SHISA9: variants seen among roughly 807,000 people sequenced by gnomAD.
SHISA9 encodes protein shisa-9.
SHISA9 carries 13 observed loss-of-function variants against 38.0 expected under a neutral mutation model. The observed-to-expected ratio is 0.34, with a 90% CI of 0.22 to 0.54. SHISA9 has a LOEUF of 0.54. Among genes scored for constraint, SHISA9 ranks in the 20% least tolerant of loss-of-function variants. The pLI, the probability that SHISA9 is intolerant of heterozygous loss-of-function variation, is 0.91. For synonymous variants in SHISA9, 275 were observed against 242.0 expected, an observed-to-expected ratio of 1.14 and a Z score of -1.27; for missense variants, 538 against 575.8, an observed-to-expected ratio of 0.93 and a Z score of 0.67.
the SHISA9 span, among the ~76,000 whole-genome samples, chr16:13,551,888 A>G: frequency 6.6e-6 from 1 of 152,098 alleles, no homozygotes; most frequent in African/African-American, 2.4e-5. Context: ...CTAGCCAGGC[A>G]AGGTTGCAGG....
chr16:13,172,468 C>T (rs1358146587), intron 2 of SHISA9, among the ~76,000 whole-genome samples: 2 of 152,192 alleles, frequency 1.3e-5, no homozygotes, highest in African/African-American at 2.4e-5. Flanking sequence ...ATATAATCAA[C>T]GTGTGCATGA....
the SHISA9 span, among the ~76,000 whole-genome samples, chr16:13,391,991 G>C: frequency 6.6e-6 from 1 of 152,144 alleles, no homozygotes; most frequent in African/African-American, 2.4e-5. Flanking sequence ...CGGTTTGCTG[G>C]TATCTGTTTA....
At chr16:13,531,785 G>A in the SHISA9 span, among the ~76,000 whole-genome samples, 1 of 152,102 alleles carries the variant, frequency 6.6e-6, no homozygotes, top group Non-Finnish European at 1.5e-5. Context: ...GTGGGGGGCA[G>A]GGAATACTCA....
chr16:13,352,149 C>A, the SHISA9 span, among the ~76,000 whole-genome samples: 22 of 152,238 alleles, frequency 1.4e-4, no homozygotes, highest in African/African-American at 5.1e-4. Flanking sequence ...ATGCCAAGCT[C>A]AGTAGCAATG....
intron 2 of SHISA9, among the ~76,000 whole-genome samples, chr16:13,177,377 T>A (rs775941897): frequency 2.6e-5 from 4 of 152,082 alleles, no homozygotes; most frequent in Non-Finnish European, 4.4e-5. Flanking sequence ...TTGTGCAGAC[T>A]CCCCACAGAG....
At chr16:13,254,272 T>G in the SHISA9 span, among the ~76,000 whole-genome samples, 1 of 152,168 alleles carries the variant, frequency 6.6e-6, no homozygotes, top group South Asian at 2.1e-4. Context: ...AGCTAGAAAT[T>G]GGCAGAACTG....
intron 2 of SHISA9, among the ~76,000 whole-genome samples, chr16:13,006,972 C>T (rs1467721586): frequency 6.6e-6 from 1 of 152,190 alleles, no homozygotes; most frequent in Non-Finnish European, 1.5e-5. Flanking sequence ...TCACCCTCGA[C>T]ACCTTCTGCA....
At chr16:13,468,989 T>A in the SHISA9 span, among the ~76,000 whole-genome samples, 1 of 151,982 alleles carries the variant, frequency 6.6e-6, no homozygotes, top group African/African-American at 2.4e-5. Flanking sequence ...ACACTTGTAA[T>A]CCCAGCACTT....
chr16:12,939,958 T>G (rs1401700159), intron 2 of SHISA9, among the ~76,000 whole-genome samples: 1 of 152,214 alleles, frequency 6.6e-6, no homozygotes, highest in Non-Finnish European at 1.5e-5. Flanking sequence ...ATGTCAGTGG[T>G]CCTGAGGCCA....
the SHISA9 span, among the ~76,000 whole-genome samples, chr16:13,364,268 G>A: frequency 2.0e-5 from 3 of 152,180 alleles, no homozygotes; most frequent in Non-Finnish European, 1.5e-5. Context: ...CCAGAATCTG[G>A]GGAAGGAGGA....
At chr16:13,445,106 C>G in the SHISA9 span, among the ~76,000 whole-genome samples, 1 of 150,724 alleles carries the variant, frequency 6.6e-6, no homozygotes, top group South Asian at 2.1e-4. Flanking sequence ...AAGCAGTCCA[C>G]CCACCTCGGC....
At chr16:13,458,410 G>A in the SHISA9 span, 1 of 391,824 alleles carries the variant, frequency 2.6e-6, no homozygotes. Context: ...AACGATGGGA[G>A]CAGGGTCAAG....
chr16:13,268,001 AG>A, the SHISA9 span, among the ~76,000 whole-genome samples: 1 of 152,058 alleles, frequency 6.6e-6, no homozygotes, highest in Non-Finnish European at 1.5e-5. Flanking sequence ...AGGGGCTCAA[AG>A]GGCTTAAGGC....
In SHISA9 at chr16:13,235,342, G is replaced by A; in HGVS notation, c.1208G>A (p.Arg403His). The stretch of plus-strand genomic sequence containing the variant: ...GGCTCCAGCGACCCCTTGGGAACTC[G>A]CCCCCAGCACTACCCACCCCCACAG... ...ETGSSDPLGTRPQHYPPPQPY... is the reference protein window; with the variant it reads ...ETGSSDPLGTHPQHYPPPQPY... The change falls in exon 5 of 5, where the codon CGC becomes CAC. Residue 403 changes from arginine to histidine, a missense_variant. Physicochemically the swap from Arg to His is conservative, Grantham distance 29 (BLOSUM62 0). Around this residue, in one of 4 missense-constraint regions of SHISA9, gnomAD observed 326 missense variants for 305.9 expected, o/e 1.07. Transcript: ENST00000558583. The A allele has an allele frequency of 1.9e-6, 3 of 1,544,382 alleles. No homozygotes were observed. The highest frequency in any genetic ancestry group is 2.6e-6 in the Non-Finnish European group (3 of 1,146,934).
intron 2 of SHISA9, among the ~76,000 whole-genome samples, chr16:12,995,546 G>T (rs1047412442): frequency 1.3e-5 from 2 of 152,114 alleles, no homozygotes; most frequent in Non-Finnish European, 2.9e-5. Context: ...TGTCTTAAAC[G>T]CAAATGAGGG....
chr16:12,942,634 TAAG>T (rs1345239760), intron 2 of SHISA9, among the ~76,000 whole-genome samples: 5 of 152,258 alleles, frequency 3.3e-5, no homozygotes, highest in African/African-American at 1.2e-4. Context: ...TTGCTGGTCC[TAAG>T]GAACTTGAGC....
chr16:13,554,532 T>C, the SHISA9 span, among the ~76,000 whole-genome samples: 35,280 of 147,258 alleles, frequency 0.24, 4,548 homozygotes, highest in Middle Eastern at 0.3. Flanking sequence ...TTTTTTTTGA[T>C]GGAGCCTGGA....
chr16:13,125,206 C>G (rs1340514765), intron 2 of SHISA9, among the ~76,000 whole-genome samples: 2 of 151,710 alleles, frequency 1.3e-5, no homozygotes, highest in African/African-American at 4.8e-5. Flanking sequence ...AAAATATTTG[C>G]AAACTATCCT....
intron 2 of SHISA9, among the ~76,000 whole-genome samples, chr16:13,060,225 G>A (rs892952633): frequency 6.6e-6 from 1 of 152,106 alleles, no homozygotes; most frequent in East Asian, 1.9e-4. Flanking sequence ...CAGCGTTCCT[G>A]GGAAAACCAT....
Sources: allele counts gnomAD v4.1 joint callset (sites outside exome capture counted in the v4.1 genomes callset), GRCh38; gene constraint gnomAD v4.1.1; regional missense constraint gnomAD v4.1.1; transcripts MANE v1.5; gene names NCBI Gene and HGNC (gene_info 2026-07-23, HGNC 2026-07-21).